The following KCNAB1 variants were observed in gnomAD, a reference collection of about 807,000 sequenced individuals.
The protein encoded by KCNAB1 is potassium voltage-gated channel subfamily A regulatory beta subunit 1, also known as voltage-gated potassium channel subunit beta-1.
A neutral mutation model predicts 64.6 loss-of-function variants in KCNAB1; 35 were observed. The observed-to-expected ratio is 0.54, with a 90% CI of 0.41 to 0.72. KCNAB1 has a LOEUF of 0.72. Among genes scored for constraint, KCNAB1 ranks in the 30% least tolerant of loss-of-function variants. KCNAB1 has a pLI of 0.00. For synonymous variants in KCNAB1, 177 were observed against 183.8 expected (o/e 0.96, Z 0.30); for missense variants, 401 against 512.9 (o/e 0.78, Z 2.11).
chr3:156,222,161 A>G (rs543991035), intron 1 of KCNAB1, among the ~76,000 whole-genome samples: 3 of 152,266 alleles, frequency 2.0e-5, no homozygotes, highest in East Asian at 3.9e-4. Flanking sequence ...TCACCAACCA[A>G]TTCTGCTACC....
At chr3:156,388,491 C>T (rs886789084) in intron 1 of KCNAB1, among the ~76,000 whole-genome samples, 13 of 152,160 alleles carry the variant, frequency 8.5e-5, no homozygotes, top group Non-Finnish European at 1.6e-4. Context: ...CCACGTTTCC[C>T]AACACTCTGT....
chr3:156,220,596 T>A lies in KCNAB1; in HGVS notation c.275+99710T>A, dbSNP rs573268955. ...TTTTCTTGTAAATTTGTTTAAGTTC[T>A]TTGTAGATTCTGGATATTAGCTCTT... On this transcript the variant is annotated intron_variant, in intron 1 of 13. Transcript: ENST00000490337. Among the ~76,000 whole-genome samples, 237 of 151,644 alleles carry A rather than the reference T, an allele frequency of 1.6e-3. 2 individuals are homozygous for A. The highest frequency in any genetic ancestry group is 0.01 in the Middle Eastern group (3 of 292).
At chr3:156,308,428 G>C (rs1342633472) in intron 1 of KCNAB1, among the ~76,000 whole-genome samples, 1 of 152,220 alleles carries the variant, frequency 6.6e-6, no homozygotes, top group Admixed American at 6.5e-5. Flanking sequence ...GGAATAGACT[G>C]TAGGGGCATA....
At chr3:156,191,187 A>G (rs1490006496) in intron 1 of KCNAB1, among the ~76,000 whole-genome samples, 2 of 152,274 alleles carry the variant, frequency 1.3e-5, no homozygotes, top group Non-Finnish European at 1.5e-5. Flanking sequence ...AAGAACATGT[A>G]GAACATGCAG....
intron 8 of KCNAB1, among the ~76,000 whole-genome samples, chr3:156,489,395 A>G (rs1199447249): frequency 1.3e-5 from 2 of 151,272 alleles, no homozygotes; most frequent in Admixed American, 1.3e-4. Context: ...TAGGTCAAGT[A>G]AGATGAAGAC....
At chr3:156,318,440 C>T (rs1722440386) in intron 1 of KCNAB1, among the ~76,000 whole-genome samples, 1 of 152,142 alleles carries the variant, frequency 6.6e-6, no homozygotes, top group South Asian at 2.1e-4. Flanking sequence ...AGTGGACCCC[C>T]AGCTTCCCAG....
At chr3:156,463,429 C>T (rs936549610) in intron 5 of KCNAB1, among the ~76,000 whole-genome samples, 3 of 152,122 alleles carry the variant, frequency 2.0e-5, no homozygotes, top group African/African-American at 2.4e-5. Flanking sequence ...GCTGTCAGTT[C>T]CCAATCTGAC....
intron 1 of KCNAB1, among the ~76,000 whole-genome samples, chr3:156,130,376 A>G (rs1713925330): frequency 6.6e-6 from 1 of 152,226 alleles, no homozygotes; most frequent in South Asian, 2.1e-4. Flanking sequence ...AGCTGACCAA[A>G]GTCTATGACA....
intron 1 of KCNAB1, chr3:156,382,309 C>T (rs1341149944): frequency 1.3e-5 from 2 of 151,958 alleles, no homozygotes; most frequent in Admixed American, 6.6e-5. Flanking sequence ...CATGGAGAAA[C>T]GCATCTCTAC....
intron 1 of KCNAB1, among the ~76,000 whole-genome samples, chr3:156,362,910 T>G (rs374083468): frequency 2.0e-5 from 3 of 152,254 alleles, no homozygotes; most frequent in African/African-American, 7.2e-5. Context: ...TCAACCCTGA[T>G]GAGCCCAGCT....
chr3:156,422,403 G>A (rs1715522219), intron 2 of KCNAB1, among the ~76,000 whole-genome samples: 1 of 152,190 alleles, frequency 6.6e-6, no homozygotes, highest in Admixed American at 6.5e-5. Flanking sequence ...GAAGTAGTGA[G>A]GAGTGGTCAG....
At chr3:156,292,673 C>T (rs142171206) in intron 1 of KCNAB1, among the ~76,000 whole-genome samples, 74 of 152,210 alleles carry the variant, frequency 4.9e-4, no homozygotes, top group African/African-American at 1.7e-3. Flanking sequence ...TCCTGAGTAG[C>T]TGGAATTACA....
At chr3:156,327,030 G>A (rs1723008269) in intron 1 of KCNAB1, among the ~76,000 whole-genome samples, 3 of 152,078 alleles carry the variant, frequency 2.0e-5, no homozygotes, top group Admixed American at 1.3e-4. Flanking sequence ...AAACCTCTCT[G>A]TGTCTAAGTA....
intron 1 of KCNAB1, among the ~76,000 whole-genome samples, chr3:156,312,062 C>A (rs949061137): frequency 6.6e-6 from 1 of 152,162 alleles, no homozygotes; most frequent in Non-Finnish European, 1.5e-5. Context: ...CCGTGTGCTC[C>A]CCCAACCTTG....
At chr3:156,529,146 T>C (rs541651799) in intron 12 of KCNAB1, among the ~76,000 whole-genome samples, 2 of 152,312 alleles carry the variant, frequency 1.3e-5, no homozygotes, top group South Asian at 4.1e-4. Context: ...AATGGAATAC[T>C]CTTTAGCAAC....
At chr3:156,209,973 T>A in intron 1 of KCNAB1, among the ~76,000 whole-genome samples, 1 of 152,222 alleles carries the variant, frequency 6.6e-6, no homozygotes, top group East Asian at 1.9e-4. Context: ...TTTAAACTGT[T>A]AGCTTGATAT....
At position 156,489,405 on chromosome 3, in the gene KCNAB1, C is replaced by A. The variant is rs541155506; in HGVS notation, c.658+14585C>A. Among the ~76,000 whole-genome samples the A allele has an allele frequency of 2.0e-5, 3 of 151,178 alleles. No homozygotes were observed. In the East Asian group the frequency reaches 5.8e-4, roughly 29 times the overall value. On this transcript the variant is annotated intron_variant, in intron 8 of 13. Coordinates refer to ENST00000490337, the MANE Select transcript of KCNAB1 (RefSeq NM_172160.3). ...ACCGATAGGTCAAGTAAGATGAAGA[C>A]GGGATCAGCTATATCAAATGTTACT... is the stretch of plus-strand genomic sequence containing the variant.
chr3:156,194,674 C>T (rs79864184), intron 1 of KCNAB1, among the ~76,000 whole-genome samples: 7 of 152,274 alleles, frequency 4.6e-5, no homozygotes, highest in Non-Finnish European at 1.0e-4. Flanking sequence ...AAAATTCCCA[C>T]GTCCCCCAGT....
intron 1 of KCNAB1, among the ~76,000 whole-genome samples, chr3:156,395,330 G>A (rs1162935684): frequency 6.7e-6 from 1 of 149,442 alleles, no homozygotes; most frequent in Non-Finnish European, 1.5e-5. Context: ...CGGATCACGA[G>A]GTCAGGAGAT....
Sources: gnomAD v4.1 joint callset for allele counts (sites outside exome capture counted in the v4.1 genomes callset) on GRCh38, gnomAD v4.1.1 for gene constraint, MANE v1.5 for transcripts, NCBI Gene and HGNC (gene_info 2026-07-23, HGNC 2026-07-21) for gene names.